The following SDHB variants were observed in gnomAD, a reference collection of about 807,000 sequenced individuals.
The protein encoded by SDHB is succinate dehydrogenase [ubiquinone] iron-sulfur subunit, mitochondrial.
A neutral mutation model predicts 39.7 loss-of-function variants in SDHB; 21 were observed. The ratio of observed to expected loss-of-function variants is 0.53; its 90% confidence interval spans 0.37 to 0.76. The LOEUF (loss-of-function observed/expected upper bound fraction) is 0.76, where lower values mean the gene tolerates loss of function less well. Ranked by LOEUF, SDHB falls within the 30% of genes least tolerant of loss-of-function variation. SDHB has a pLI of 0.00. For missense variants in SDHB, 343 were observed against 350.9 expected, an observed-to-expected ratio of 0.98 and a Z score of 0.18; for synonymous variants, 118 against 117.0, an observed-to-expected ratio of 1.01 and a Z score of -0.06.
chr1:17,045,731 G>T (rs566546989), intron 1 of SDHB, among the ~76,000 whole-genome samples: 1 of 152,332 alleles, frequency 6.6e-6, no homozygotes, highest in South Asian at 2.1e-4. Flanking sequence ...ATGCAGTGGT[G>T]TTTATTACTG....
chr1:17,045,969 T>C (rs1406215435), intron 1 of SDHB, among the ~76,000 whole-genome samples: 1 of 152,226 alleles, frequency 6.6e-6, no homozygotes, highest in Non-Finnish European at 1.5e-5. Flanking sequence ...TTCTGTTGCT[T>C]TGCTTGTGTG....
chr1:17,044,347 CAG>C (rs2078096846), intron 2 of SDHB, among the ~76,000 whole-genome samples: 1 of 145,016 alleles, frequency 6.9e-6, no homozygotes, highest in Non-Finnish European at 1.5e-5. Flanking sequence ...TTTTTGGAGA[CAG>C]AGTCTCACTC....
intron 7 of SDHB, 130 bp from the exon 8 acceptor site, chr1:17,019,088 C>T (rs560989756): frequency 3.5e-5 from 27 of 762,644 alleles, no homozygotes; most frequent in South Asian, 9.8e-5. Context: ...TCAAGTCCCT[C>T]AAAACCATAG....
chr1:17,021,556 C>T (rs1203789562), intron 7 of SDHB, among the ~76,000 whole-genome samples: 1 of 152,058 alleles, frequency 6.6e-6, no homozygotes, highest in Non-Finnish European at 1.5e-5. Flanking sequence ...ACCAGCCTGA[C>T]CAACATAGAG....
At chr1:17,045,005 A>C in intron 1 of SDHB, 117 bp from the exon 2 acceptor site, 1 of 879,688 alleles carries the variant, frequency 1.1e-6, no homozygotes, top group Non-Finnish European at 1.8e-6. Context: ...CTGACACATA[A>C]TCTTCTTAGA....
chr1:17,037,415 C>T (rs1208891395), intron 2 of SDHB, among the ~76,000 whole-genome samples: 1 of 150,944 alleles, frequency 6.6e-6, no homozygotes, highest in Non-Finnish European at 1.5e-5. Flanking sequence ...GATCCTCCCA[C>T]CCCACCCTCC....
intron 2 of SDHB, among the ~76,000 whole-genome samples, chr1:17,041,069 G>A (rs924312620): frequency 6.6e-6 from 1 of 152,102 alleles, no homozygotes; most frequent in Admixed American, 6.5e-5. Flanking sequence ...GGCAGAGGTT[G>A]CAGTGAGCCA....
At position 17,041,516 on chromosome 1, in the gene SDHB, T is replaced by C. The variant is rs138014956; in HGVS notation, c.200+3245A>G. On this transcript the variant is annotated intron_variant, in intron 2 of 7. Coordinates refer to ENST00000375499, the MANE Select transcript of SDHB (RefSeq NM_003000.3). ...GAAACCCCAACTCTACTACAAAAAT[T>C]AGACGGTGTGTGACGCGCGCCTGTA... Among the ~76,000 whole-genome samples, 544 of 151,782 alleles carry C rather than the reference T, an allele frequency of 3.6e-3. 3 individuals carry two copies. Among genetic ancestry groups the C allele is most frequent in the Non-Finnish European group, 6.3e-3 (427 of 67,910 alleles).
intron 2 of SDHB, among the ~76,000 whole-genome samples, chr1:17,038,294 C>A (rs1377137115): frequency 6.6e-6 from 1 of 152,198 alleles, no homozygotes; most frequent in Non-Finnish European, 1.5e-5. Flanking sequence ...TTCTTTTTCT[C>A]ACCCAATTTC....
chr1:17,024,264 G>A (rs1482563352), intron 5 of SDHB, among the ~76,000 whole-genome samples, 190 bp from the exon 6 acceptor site: 1 of 152,210 alleles, frequency 6.6e-6, no homozygotes, highest in Non-Finnish European at 1.5e-5. Context: ...CAAGTGAAAT[G>A]TAAACATCTG....
chr1:17,022,169 G>A (rs1261901107), intron 7 of SDHB, among the ~76,000 whole-genome samples: 2 of 152,238 alleles, frequency 1.3e-5, no homozygotes, highest in East Asian at 3.9e-4. Flanking sequence ...AGAGCTTTGA[G>A]TCAGAGAAAA....
At chr1:17,022,411 G>A (rs1219324343) in intron 7 of SDHB, among the ~76,000 whole-genome samples, 197 bp downstream of exon 7, 2 of 152,146 alleles carry the variant, frequency 1.3e-5, no homozygotes, top group Non-Finnish European at 2.9e-5. Flanking sequence ...TGCTCCTGAG[G>A]TGGCCCGAGT....
Position 17,024,742 on chromosome 1 carries a change from T to C in SDHB, c.541-668A>G, listed in dbSNP as rs573973957. On this transcript the variant is annotated intron_variant, in intron 5 of 7. Coordinates refer to ENST00000375499, the MANE Select transcript of SDHB (RefSeq NM_003000.3). ...GCAGCTGGCTCTGGCTTCCTGCACT[T>C]TCACACCTGCCACACTGGGTCAATC... is the stretch of plus-strand genomic sequence containing the variant. Among the ~76,000 whole-genome samples, 18 of 152,282 alleles carry C rather than the reference T, an allele frequency of 1.2e-4. 1 individual carries two copies. The South Asian group carries it at 3.7e-3, about 32-fold the overall frequency.
chr1:17,046,563 A>T (rs2078111231), intron 1 of SDHB, among the ~76,000 whole-genome samples: 1 of 152,192 alleles, frequency 6.6e-6, no homozygotes, highest in Admixed American at 6.6e-5. Context: ...ATCAGCTATC[A>T]TCACGAGTCT....
At chr1:17,019,069 G>C in intron 7 of SDHB, 111 bp from the exon 8 acceptor site, 1 of 840,008 alleles carries the variant, frequency 1.2e-6, no homozygotes, top group South Asian at 1.3e-5. Flanking sequence ...CAAGCAAGGT[G>C]AATGCAAATC....
chr1:17,025,965 A>G (rs2077989255), intron 5 of SDHB, among the ~76,000 whole-genome samples: 1 of 152,240 alleles, frequency 6.6e-6, no homozygotes, highest in African/African-American at 2.4e-5. Flanking sequence ...TCAACTAGTA[A>G]GTGTAAGGCA....
chr1:17,030,302 T>C (rs2078015618), intron 3 of SDHB, among the ~76,000 whole-genome samples: 1 of 152,090 alleles, frequency 6.6e-6, no homozygotes, highest in South Asian at 2.1e-4. Flanking sequence ...TCCCACTGTG[T>C]TGGGATTACA....
At chr1:17,023,414 GAA>G (rs2077974208) in intron 6 of SDHB, among the ~76,000 whole-genome samples, 1 of 152,226 alleles carries the variant, frequency 6.6e-6, no homozygotes, top group Non-Finnish European at 1.5e-5. Flanking sequence ...GGGAAAATGA[GAA>G]AGAGAAGTTG....
At position 17,039,310 on chromosome 1, in the gene SDHB, C is replaced by T. The variant is rs936591243; in HGVS notation, c.200+5451G>A. Reference sequence around the variant, plus strand: ...AAAAAAATAATTACTCTTGGCTGGGCATGGTGGCTCACACCTGTAATCCTA... The same window carrying T: ...AAAAAAATAATTACTCTTGGCTGGGTATGGTGGCTCACACCTGTAATCCTA... On this transcript the variant is annotated intron_variant, in intron 2 of 7. Transcript: ENST00000375499. Among the ~76,000 whole-genome samples, 3 of 149,608 alleles carry T rather than the reference C, an allele frequency of 2.0e-5. No homozygotes were observed. In the Admixed American group the frequency reaches 2.0e-4, roughly 10 times the overall value.
Sources: allele counts gnomAD v4.1 joint callset (sites outside exome capture counted in the v4.1 genomes callset), GRCh38; gene constraint gnomAD v4.1.1; transcripts MANE v1.5; gene names NCBI Gene and HGNC (gene_info 2026-07-23, HGNC 2026-07-21).